DPP10: variants seen among roughly 807,000 people sequenced by gnomAD.
DPP10 encodes inactive dipeptidyl peptidase 10.
Under a neutral mutation model 120.9 loss-of-function variants are expected in DPP10, and 33 were observed. The observed-to-expected ratio is 0.27, with a 90% CI of 0.21 to 0.37. The LOEUF (loss-of-function observed/expected upper bound fraction) is 0.37. Among genes scored for constraint, DPP10 ranks in the 10% least tolerant of loss-of-function variants. The pLI is 1.00. For synonymous variants in DPP10, 337 were observed against 326.1 expected, an observed-to-expected ratio of 1.03 and a Z score of -0.36; for missense variants, 816 against 942.8, an observed-to-expected ratio of 0.87 and a Z score of 1.76.
At chr2:115,344,666 T>G (rs1420112487) in intron 3 of DPP10, among the ~76,000 whole-genome samples, 3 of 152,184 alleles carry the variant, frequency 2.0e-5, no homozygotes, top group African/African-American at 7.2e-5. Flanking sequence ...TCATAGGTTT[T>G]GCTTTGTCTT....
At chr2:114,804,173 G>C (rs189632765) in intron 1 of DPP10, among the ~76,000 whole-genome samples, 129 of 152,364 alleles carry the variant, frequency 8.5e-4, no homozygotes, top group African/African-American at 2.9e-3. Flanking sequence ...TGGTGTTGAG[G>C]CTGTGGGGGC....
At chr2:115,567,142 C>T (rs1471672924) in intron 5 of DPP10, among the ~76,000 whole-genome samples, 1 of 151,740 alleles carries the variant, frequency 6.6e-6, no homozygotes, top group Non-Finnish European at 1.5e-5. Context: ...CTTTTCAGCA[C>T]ATCTTGACTA....
intron 1 of DPP10, among the ~76,000 whole-genome samples, chr2:115,305,244 A>G (rs952660488): frequency 6.6e-6 from 1 of 152,052 alleles, no homozygotes; most frequent in African/African-American, 2.4e-5. Flanking sequence ...TTCCTTGTCT[A>G]AGGCTGCTGC....
At chr2:114,982,398 T>C (rs558286111) in intron 1 of DPP10, among the ~76,000 whole-genome samples, 63 of 151,862 alleles carry the variant, frequency 4.1e-4, no homozygotes, top group African/African-American at 1.5e-3. Flanking sequence ...TCTATAAAGA[T>C]AAAAAAAACA....
At chr2:115,599,268 A>G (rs1347305905) in intron 5 of DPP10, among the ~76,000 whole-genome samples, 1 of 151,958 alleles carries the variant, frequency 6.6e-6, no homozygotes, top group Non-Finnish European at 1.5e-5. Context: ...CTTCTGCTCC[A>G]TTTTCTTTCT....
intron 1 of DPP10, among the ~76,000 whole-genome samples, chr2:114,548,849 C>T (rs1687637405): frequency 6.6e-6 from 1 of 152,076 alleles, no homozygotes; most frequent in South Asian, 2.1e-4. Flanking sequence ...TCCTGAGACA[C>T]ACATACGAAA....
At chr2:115,111,441 T>C (rs2049213647) in intron 1 of DPP10, among the ~76,000 whole-genome samples, 1 of 152,126 alleles carries the variant, frequency 6.6e-6, no homozygotes, top group East Asian at 1.9e-4. Flanking sequence ...AAGAAAAAGC[T>C]GGCCTGTGGA....
intron 1 of DPP10, among the ~76,000 whole-genome samples, chr2:114,856,841 A>G (rs1689407899): frequency 1.3e-5 from 2 of 152,188 alleles, no homozygotes; most frequent in Non-Finnish European, 2.9e-5. Flanking sequence ...TTTGTGCACT[A>G]TTCTATACTT....
At chr2:115,603,215 TA>T (rs970917336) in intron 5 of DPP10, among the ~76,000 whole-genome samples, 5 of 151,822 alleles carry the variant, frequency 3.3e-5, no homozygotes, top group African/African-American at 1.2e-4. Flanking sequence ...AAAAAAGGTC[TA>T]TGTTTGAGTC....
chr2:114,940,310 TCTGA>T (rs1445150425), intron 1 of DPP10, among the ~76,000 whole-genome samples: 1 of 152,132 alleles, frequency 6.6e-6, no homozygotes, highest in Non-Finnish European at 1.5e-5. Flanking sequence ...CTTTGGATGG[TCTGA>T]CTATCTTGTT....
chr2:115,524,524 C>A (rs1205564691), intron 4 of DPP10, among the ~76,000 whole-genome samples: 1 of 152,110 alleles, frequency 6.6e-6, no homozygotes, highest in East Asian at 1.9e-4. Flanking sequence ...TTCCCTCAAC[C>A]CTTATCATTC....
Position 115,799,235 on chromosome 2 carries a change from A to G in DPP10, c.1700+7879A>G, listed in dbSNP as rs150341051. Among the ~76,000 whole-genome samples the G allele has an allele frequency of 3.6e-3, 544 of 152,136 alleles. 5 individuals carry two copies. The highest frequency in any genetic ancestry group is 4.4e-3 in the Non-Finnish European group (300 of 67,994). On this transcript the variant is annotated intron_variant, in intron 19 of 25. Coordinates refer to ENST00000410059, the MANE Select transcript of DPP10 (RefSeq NM_020868.6). ...ACATAATCTCCCTGTTTTTCATCACATAGAAAACATGTCATACAAGATAAA... is the reference window on the plus strand; with the variant it reads ...ACATAATCTCCCTGTTTTTCATCACGTAGAAAACATGTCATACAAGATAAA...
intron 13 of DPP10, among the ~76,000 whole-genome samples, chr2:115,768,980 A>G (rs1681133598): frequency 6.6e-6 from 1 of 151,958 alleles, no homozygotes; most frequent in African/African-American, 2.4e-5. Context: ...AAAGAGGGGA[A>G]AGGTTACTTT....
chr2:115,385,580 C>A (rs2066874879), intron 3 of DPP10, among the ~76,000 whole-genome samples: 1 of 152,124 alleles, frequency 6.6e-6, no homozygotes, highest in East Asian at 1.9e-4. Flanking sequence ...TGTTCTTGAA[C>A]TCCTGACATC....
rs1490740837 is a variant in DPP10, at chr2:114,548,074, C to G, written c.60+105236C>G. ...GGGGTGAGGAGGTTGGCTAGTAGAT[C>G]TGTAGGGCAAATAAAGAATGCCCAG... is the stretch of plus-strand genomic sequence containing the variant. On this transcript the variant is annotated intron_variant, in intron 1 of 25. Transcript: ENST00000410059. Among the ~76,000 whole-genome samples, 4 of 152,246 alleles carry G rather than the reference C, an allele frequency of 2.6e-5. No homozygotes were observed. The East Asian group carries it at 7.7e-4, about 29-fold the overall frequency.
intron 1 of DPP10, among the ~76,000 whole-genome samples, chr2:115,014,152 C>T (rs1279551009): frequency 6.6e-6 from 1 of 152,184 alleles, no homozygotes; most frequent in Non-Finnish European, 1.5e-5. Flanking sequence ...GTCTCTCACA[C>T]CGCAGTGCAA....
intron 5 of DPP10, among the ~76,000 whole-genome samples, chr2:115,646,019 CCTGA>C (rs1235449486): frequency 6.6e-6 from 1 of 152,040 alleles, no homozygotes; most frequent in East Asian, 1.9e-4. Context: ...CTGACATAAT[CCTGA>C]CTGATACACA....
intron 7 of DPP10, among the ~76,000 whole-genome samples, chr2:115,720,000 CTT>C (rs2092604840): frequency 1.3e-5 from 2 of 152,164 alleles, no homozygotes; most frequent in Non-Finnish European, 2.9e-5. Context: ...TTGTATGCGT[CTT>C]TTGATACAGA....
chr2:114,534,365 C>G (rs1264958699), intron 1 of DPP10, among the ~76,000 whole-genome samples: 1 of 151,812 alleles, frequency 6.6e-6, no homozygotes, highest in East Asian at 1.9e-4. Flanking sequence ...TCCTTTAACT[C>G]TGATATCCAG....
Sources: gnomAD v4.1 joint callset for allele counts (sites outside exome capture counted in the v4.1 genomes callset) on GRCh38, gnomAD v4.1.1 for gene constraint, MANE v1.5 for transcripts, NCBI Gene and HGNC (gene_info 2026-07-23, HGNC 2026-07-21) for gene names.